Variants in STK38L observed in about 807,000 individuals in gnomAD.
The protein encoded by STK38L is serine/threonine-protein kinase 38-like.
Under a neutral mutation model 59.7 loss-of-function variants are expected in STK38L, and 28 were observed. That is an observed-to-expected ratio of 0.47 (90% CI 0.35 to 0.64). The LOEUF (loss-of-function observed/expected upper bound fraction) is 0.64. STK38L is among the 30% of genes least tolerant of loss of function. STK38L has a pLI of 0.01. For missense variants in STK38L, 314 were observed against 555.8 expected (o/e 0.56, Z 4.37); for synonymous variants, 162 against 176.8 (o/e 0.92, Z 0.66).
chr12:27,269,997 GA>G (rs1220127316), intron 1 of STK38L, among the ~76,000 whole-genome samples: 5 of 151,976 alleles, frequency 3.3e-5, no homozygotes, highest in Admixed American at 6.5e-5. Context: ...TGAACCCCAG[GA>G]AAAAATTAAC....
chr12:27,260,462 G>A (rs952654051), intron 1 of STK38L, among the ~76,000 whole-genome samples: 3 of 152,120 alleles, frequency 2.0e-5, no homozygotes, highest in African/African-American at 7.2e-5. Context: ...TAATTCAGGA[G>A]TAATCCAAAG....
At chr12:27,277,682 G>A (rs924366763) in intron 1 of STK38L, among the ~76,000 whole-genome samples, 2 of 151,948 alleles carry the variant, frequency 1.3e-5, no homozygotes. Flanking sequence ...AAAATTTAAA[G>A]CAAATTCCCA....
intron 1 of STK38L, among the ~76,000 whole-genome samples, chr12:27,291,204 C>G (rs564146570): frequency 2.6e-5 from 4 of 152,222 alleles, no homozygotes; most frequent in African/African-American, 9.6e-5. Context: ...CATTTATGTT[C>G]AGGATAATTT....
At position 27,324,888 on chromosome 12, in the gene STK38L, T is replaced by C. The variant is rs892984331; in HGVS notation, c.*2433T>C. The C allele has an allele frequency of 3.3e-5, 5 of 152,154 alleles. No homozygotes were observed. Among genetic ancestry groups the C allele is most frequent in the African/African-American group, 1.2e-4 (5 of 41,466 alleles). 9.4% of individuals were successfully genotyped at this position (152,154 alleles called of 1,614,324 possible). A position where few individuals can be genotyped will look rare whatever the true frequency, so the allele number is the denominator to read the frequency against. On this transcript the variant is annotated 3_prime_UTR_variant, in exon 14 of 14. Transcript: ENST00000389032. ...CCCATATTTCAGGTGAATAATTTAATTTAAATGACAAAACCCTATCTAGTC... is the reference window on the plus strand; with the variant it reads ...CCCATATTTCAGGTGAATAATTTAACTTAAATGACAAAACCCTATCTAGTC...
rs1253871962 is a variant in STK38L, at chr12:27,324,924, A to T, written c.*2469A>T. ...AAACCCTATCTAGTCAACTGGGCAT[A>T]ATGACATTTTCTTTAAATTAGACTC... is the stretch of plus-strand genomic sequence containing the variant. On this transcript the variant is annotated 3_prime_UTR_variant, in exon 14 of 14. Transcript: ENST00000389032. 1.3e-5 allele frequency: 2 copies of T among 152,144 alleles called. No individual in the cohort carries two copies. Among genetic ancestry groups the T allele is most frequent in the East Asian group, 3.8e-4 (2 of 5,202 alleles). 9.4% of individuals were successfully genotyped at this position (152,144 alleles called of 1,614,324 possible).
chr12:27,320,732 T>G (rs925992156), intron 12 of STK38L, among the ~76,000 whole-genome samples: 1 of 151,920 alleles, frequency 6.6e-6, no homozygotes, highest in African/African-American at 2.4e-5. Flanking sequence ...GTGAGGAAAC[T>G]AAGGCACAGA....
chr12:27,318,860 G>A (rs770250565), intron 11 of STK38L, among the ~76,000 whole-genome samples: 1 of 152,060 alleles, frequency 6.6e-6, no homozygotes, highest in African/African-American at 2.4e-5. Flanking sequence ...GCGAGGTGGC[G>A]GGCGCCTGTA....
Position 27,300,730 on chromosome 12 carries a change from C to T in STK38L, c.135-1407C>T, listed in dbSNP as rs989358095. On this transcript the variant is annotated intron_variant, in intron 2 of 13. Coordinates refer to ENST00000389032, the MANE Select transcript of STK38L (RefSeq NM_015000.4). ...TAAGCACCAAGGTAGGTGCCTATGA[C>T]AAGCACTGAGGAAACATGTGTTGGA... 5 of 405,774 alleles carry T rather than the reference C, an allele frequency of 1.2e-5. No homozygotes were observed. The East Asian group carries it at 3.6e-4, about 29-fold the overall frequency. 25.1% of individuals were successfully genotyped at this position (405,774 alleles called of 1,614,324 possible). A position where few individuals can be genotyped will look rare whatever the true frequency, so the allele number is the denominator to read the frequency against.
chr12:27,266,925 C>T (rs1251951843), intron 1 of STK38L, among the ~76,000 whole-genome samples: 1 of 152,136 alleles, frequency 6.6e-6, no homozygotes, highest in African/African-American at 2.4e-5. Flanking sequence ...GTATTTGACT[C>T]CTAGAACCTG....
chr12:27,295,192 T>C (rs1364149910), intron 1 of STK38L, among the ~76,000 whole-genome samples: 3 of 152,252 alleles, frequency 2.0e-5, no homozygotes, highest in Non-Finnish European at 4.4e-5. Context: ...ATGCTCATTA[T>C]TATTAAAGCA....
chr12:27,303,602 A>G (rs1291576463), intron 3 of STK38L, among the ~76,000 whole-genome samples: 1 of 152,122 alleles, frequency 6.6e-6, no homozygotes, highest in African/African-American at 2.4e-5. Context: ...GGAGTTTTAG[A>G]TTAGGAGAGG....
At chr12:27,297,880 T>G in intron 2 of STK38L, 26 bp downstream of exon 2, 1 of 1,611,546 alleles carries the variant, frequency 6.2e-7, no homozygotes, top group Non-Finnish European at 8.5e-7. Flanking sequence ...ATCAAAACTT[T>G]TTTTAGTTAA....
chr12:27,302,229 A>G (rs764030019), intron 3 of STK38L, 41 bp downstream of exon 3: 6 of 1,455,602 alleles, frequency 4.1e-6, no homozygotes, highest in Non-Finnish European at 4.6e-6. Flanking sequence ...AAGCACCCCC[A>G]GTGACTTTTC....
At chr12:27,262,747 T>C (rs576861870) in intron 1 of STK38L, among the ~76,000 whole-genome samples, 344 of 151,282 alleles carry the variant, frequency 2.3e-3, no homozygotes, top group Non-Finnish European at 4.2e-3. Flanking sequence ...GATAGATGTA[T>C]TTAAAGTACA....
intron 1 of STK38L, among the ~76,000 whole-genome samples, chr12:27,281,937 G>C (rs539814346): frequency 6.6e-6 from 1 of 152,280 alleles, no homozygotes; most frequent in African/African-American, 2.4e-5. Context: ...TTGGGAGGCT[G>C]ATACCGGAGA....
chr12:27,312,734 A>C, intron 6 of STK38L, 62 bp downstream of exon 6: 1 of 1,576,366 alleles, frequency 6.3e-7, no homozygotes, highest in Non-Finnish European at 8.6e-7. Flanking sequence ...TGCAACAATA[A>C]TTTTATTGGT....
In STK38L at chr12:27,324,172, T is replaced by G. The variant is rs1376941959; in HGVS notation, c.*1717T>G. 6.6e-6 allele frequency: 1 copy of G among 152,108 alleles called. No homozygotes were observed. The highest frequency in any genetic ancestry group is 1.5e-5 in the Non-Finnish European group (1 of 67,952). The allele number at this position is 152,108 out of a possible 1,614,324, so 9.4% of individuals were successfully genotyped here. A position where few individuals can be genotyped will look rare whatever the true frequency, so the allele number is the denominator to read the frequency against. On this transcript the variant is annotated 3_prime_UTR_variant, in exon 14 of 14. Coordinates refer to ENST00000389032, the MANE Select transcript of STK38L (RefSeq NM_015000.4). Reference sequence around the variant, plus strand: ...TCTTTTTAAATATTTGTTGAGTACTTACGTGTTTATCTAACAGTTCACTTC... The same window carrying G: ...TCTTTTTAAATATTTGTTGAGTACTGACGTGTTTATCTAACAGTTCACTTC...
At chr12:27,314,418 AAG>A in intron 6 of STK38L, 84 bp from the exon 7 acceptor site, 2 of 1,185,496 alleles carry the variant, frequency 1.7e-6, no homozygotes, top group South Asian at 4.5e-5. Context: ...AAAAAAAAAA[AAG>A]TAAAAAAAGC....
At chr12:27,310,392 G>A (rs532059665) in intron 5 of STK38L, among the ~76,000 whole-genome samples, 1 of 152,224 alleles carries the variant, frequency 6.6e-6, no homozygotes, top group South Asian at 2.1e-4. Context: ...CAGAGACAGG[G>A]AGGGCAACAG....
Sources: gnomAD v4.1 joint callset for allele counts (sites outside exome capture counted in the v4.1 genomes callset) on GRCh38, gnomAD v4.1.1 for gene constraint, MANE v1.5 for transcripts, NCBI Gene and HGNC (gene_info 2026-07-23, HGNC 2026-07-21) for gene names.